Variants in ANTXR2 observed in about 807,000 individuals in gnomAD.
ANTXR2 encodes anthrax toxin receptor 2.
A neutral mutation model predicts 73.7 loss-of-function variants in ANTXR2; 44 were observed. The observed-to-expected ratio is 0.60, with a 90% CI of 0.47 to 0.77. The LOEUF (loss-of-function observed/expected upper bound fraction) is 0.77, where lower values mean the gene tolerates loss of function less well. ANTXR2 is among the 30% of genes least tolerant of loss of function. The pLI is 0.00. For missense variants in ANTXR2, 604 were observed against 592.5 expected (o/e 1.02, Z -0.20); for synonymous variants, 217 against 205.9 (o/e 1.05, Z -0.46).
intron 16 of ANTXR2, among the ~76,000 whole-genome samples, chr4:79,955,662 C>T (rs561068024): frequency 1.3e-5 from 2 of 152,070 alleles, no homozygotes; most frequent in Admixed American, 6.6e-5. Context: ...TTTAAAAAAA[C>T]AAGACTGCTA....
At position 80,036,041 on chromosome 4, in the gene ANTXR2, GAAA is replaced by G. The variant is rs373672335; in HGVS notation, c.637-12_637-10del. On this transcript the variant is annotated splice_polypyrimidine_tract_variant and intron_variant, in intron 7 of 16. Transcript: ENST00000403729. Reference sequence around the variant, plus strand: ...CATGACTGAGCTAGTATCTAAAAAAGAAAAAAAAAAAAGATTACCAAGCTATAG... The same window carrying G: ...CATGACTGAGCTAGTATCTAAAAAAGAAAAAAAAAGATTACCAAGCTATAG... 7 of 1,135,674 alleles carry G rather than the reference GAAA, an allele frequency of 6.2e-6. No homozygotes were observed. The highest frequency in any genetic ancestry group is 7.7e-5 in the Admixed American group (2 of 25,810). 70.3% of individuals were successfully genotyped at this position (1,135,674 alleles called of 1,614,324 possible).
chr4:80,052,339 A>G (rs1359094294), intron 7 of ANTXR2, among the ~76,000 whole-genome samples: 4 of 151,710 alleles, frequency 2.6e-5, no homozygotes, highest in Non-Finnish European at 5.9e-5. Flanking sequence ...GCAAAATTAT[A>G]GGTTTTGTAT....
At chr4:79,994,820 T>C (rs1475177907) in intron 12 of ANTXR2, among the ~76,000 whole-genome samples, 2 of 152,036 alleles carry the variant, frequency 1.3e-5, no homozygotes. Context: ...TAATATAAAC[T>C]GCAAGATAAA....
At chr4:80,004,207 A>T (rs1731193794) in intron 12 of ANTXR2, among the ~76,000 whole-genome samples, 1 of 151,968 alleles carries the variant, frequency 6.6e-6, no homozygotes, top group Non-Finnish European at 1.5e-5. Flanking sequence ...TTTGAAATAA[A>T]AAAATTATGA....
chr4:79,929,870 T>C (rs1727991327), intron 16 of ANTXR2, among the ~76,000 whole-genome samples: 1 of 152,196 alleles, frequency 6.6e-6, no homozygotes, highest in African/African-American at 2.4e-5. Context: ...CTAACCATCA[T>C]ACAATGTAGT....
rs562464592 is a variant in ANTXR2, at chr4:80,068,946, G to A, written c.296+490C>T. Among the ~76,000 whole-genome samples, 184 of 152,022 alleles carry A rather than the reference G, an allele frequency of 1.2e-3. 1 individual carries two copies. The highest frequency in any genetic ancestry group is 0.01 in the Middle Eastern group (3 of 294). ...AGGTAGATAGATATAGAGATATATT[G>A]GTATACATATTGATATATACTAAGT... On this transcript the variant is annotated intron_variant, in intron 3 of 16. Coordinates refer to ENST00000403729, the MANE Select transcript of ANTXR2 (RefSeq NM_058172.6).
chr4:80,028,152 AT>A (rs1296956561), intron 10 of ANTXR2, among the ~76,000 whole-genome samples: 1 of 152,292 alleles, frequency 6.6e-6, no homozygotes, highest in East Asian at 1.9e-4. Context: ...TAGCCTAAAA[AT>A]CTATATCAAA....
At chr4:79,933,615 T>C (rs992337857) in intron 16 of ANTXR2, among the ~76,000 whole-genome samples, 1 of 152,074 alleles carries the variant, frequency 6.6e-6, no homozygotes, top group African/African-American at 2.4e-5. Flanking sequence ...GTTTGTTACA[T>C]ATGTATACAT....
chr4:80,055,325 T>TG, intron 5 of ANTXR2, 35 bp downstream of exon 5: 1 of 1,575,160 alleles, frequency 6.3e-7, no homozygotes, highest in Non-Finnish European at 8.7e-7. Context: ...CGATGTACAG[T>TG]GGGGTGTAGA....
chr4:79,912,523 C>T (rs1359157449), intron 16 of ANTXR2, among the ~76,000 whole-genome samples: 2 of 152,012 alleles, frequency 1.3e-5, no homozygotes, highest in Admixed American at 1.3e-4. Flanking sequence ...ATATTGAAAA[C>T]ATTACATAGT....
chr4:80,013,566 A>C (rs1731698696), intron 11 of ANTXR2, among the ~76,000 whole-genome samples: 1 of 152,256 alleles, frequency 6.6e-6, no homozygotes, highest in Non-Finnish European at 1.5e-5. Context: ...AGCAAGTAAA[A>C]AGCATTATCC....
At chr4:80,006,969 C>T (rs1227983195) in intron 12 of ANTXR2, among the ~76,000 whole-genome samples, 1 of 152,050 alleles carries the variant, frequency 6.6e-6, no homozygotes, top group Non-Finnish European at 1.5e-5. Flanking sequence ...GCTAGCCACC[C>T]TAAAATAGCC....
rs1434530833 is a variant in ANTXR2, at chr4:79,904,090, C to A, written c.*3339G>T. 2 of 139,358 alleles carry A rather than the reference C, an allele frequency of 1.4e-5. No individual in the cohort carries two copies. The highest frequency in any genetic ancestry group is 4.0e-4 in the East Asian group (2 of 5,058). 8.6% of individuals were successfully genotyped at this position (139,358 alleles called of 1,614,324 possible). ...CAAAATGTTTTAAACACCTAATTAT[C>A]CACAATATAGAATTTGTTTCAACTT... On this transcript the variant is annotated 3_prime_UTR_variant, in exon 17 of 17. Transcript: ENST00000403729.
rs915416116 is a variant in ANTXR2 at position 79,946,111 on chromosome 4, G to T, written c.1428+31510C>A. ...TTTAATCTTCAAACAACCACATGAG[G>T]TAAGTGTTGTTATATAACGATCCCC... On this transcript the variant is annotated intron_variant, in intron 16 of 16. Coordinates refer to ENST00000403729, the MANE Select transcript of ANTXR2 (RefSeq NM_058172.6). Among the ~76,000 whole-genome samples, 4 of 152,136 alleles carry T rather than the reference G, an allele frequency of 2.6e-5. No individual in the cohort carries two copies. In the South Asian group the frequency reaches 8.3e-4, roughly 32 times the overall value.
chr4:79,994,332 C>A (rs1578138810), intron 12 of ANTXR2, among the ~76,000 whole-genome samples: 3 of 152,078 alleles, frequency 2.0e-5, no homozygotes, highest in African/African-American at 7.2e-5. Flanking sequence ...CAATAAAGTA[C>A]TAAATTTTAT....
Position 79,908,842 on chromosome 4 carries a change from G to A in ANTXR2, c.1429-1375C>T, listed in dbSNP as rs374703870. ...AACTTTCAAACAAGATTTTCAGAGT[G>A]CATATTAAGTGAAGAGGTGCTCTTC... On this transcript the variant is annotated intron_variant, in intron 16 of 16. Coordinates refer to ENST00000403729, the MANE Select transcript of ANTXR2 (RefSeq NM_058172.6). 4.1e-4 allele frequency among the ~76,000 whole-genome samples: 63 copies of A among 152,276 alleles called. 1 individual carries two copies. Among genetic ancestry groups the A allele is most frequent in the African/African-American group, 1.4e-3 (57 of 41,576 alleles).
At chr4:80,015,913 AAGGAAAGGAAAAAGGAAAGG>A (rs1731833005) in intron 11 of ANTXR2, among the ~76,000 whole-genome samples, 17 of 68,922 alleles carry the variant, frequency 2.5e-4, no homozygotes, top group Non-Finnish European at 3.3e-4. Context: ...AAGGAAAGGA[AAGGAAAGGAAAAAGGAAAGG>A]AAAGGAAAGG....
At chr4:79,928,945 T>C (rs570464474) in intron 16 of ANTXR2, among the ~76,000 whole-genome samples, 1 of 152,334 alleles carries the variant, frequency 6.6e-6, no homozygotes, top group South Asian at 2.1e-4. Context: ...ATCATTATCC[T>C]AATCCCAAGA....
At chr4:79,951,403 A>G (rs1371012031) in intron 16 of ANTXR2, among the ~76,000 whole-genome samples, 1 of 152,028 alleles carries the variant, frequency 6.6e-6, no homozygotes, top group Admixed American at 6.6e-5. Flanking sequence ...AACATGGTGA[A>G]ACCCTGTCTC....
Sources: gnomAD v4.1 joint callset for allele counts (sites outside exome capture counted in the v4.1 genomes callset) on GRCh38, gnomAD v4.1.1 for gene constraint, MANE v1.5 for transcripts, NCBI Gene and HGNC (gene_info 2026-07-23, HGNC 2026-07-21) for gene names.